Variants in SNAP23 observed in about 807,000 individuals in gnomAD.
The protein encoded by SNAP23 is synaptosomal-associated protein 23.
A neutral mutation model predicts 29.0 loss-of-function variants in SNAP23; 11 were observed. The ratio of observed to expected loss-of-function variants is 0.38; its 90% confidence interval spans 0.24 to 0.63. The LOEUF is 0.63. Ranked by LOEUF, SNAP23 falls within the 20% of genes least tolerant of loss-of-function variation. SNAP23 has a pLI of 0.58. For missense variants in SNAP23, 220 were observed against 253.9 expected (o/e 0.87, Z 0.91); for synonymous variants, 60 against 82.9 (o/e 0.72, Z 1.50).
chr15:42,524,015 A>G (rs547459997), intron 5 of SNAP23, among the ~76,000 whole-genome samples: 10 of 151,806 alleles, frequency 6.6e-5, no homozygotes, highest in African/African-American at 1.9e-4. Context: ...ACGGGGTTTC[A>G]CCATCTTGGC....
At chr15:42,517,972 C>G (rs2057411040) in intron 5 of SNAP23, among the ~76,000 whole-genome samples, 1 of 151,872 alleles carries the variant, frequency 6.6e-6, no homozygotes, top group South Asian at 2.1e-4. Context: ...TTCAGCCTCC[C>G]AAAGCACTGG....
chr15:42,499,780 A>G (rs1320651331), intron 1 of SNAP23, among the ~76,000 whole-genome samples: 1 of 152,216 alleles, frequency 6.6e-6, no homozygotes, highest in Non-Finnish European at 1.5e-5. Flanking sequence ...GGGCTTGAAA[A>G]TTCTGTGATC....
chr15:42,522,820 CA>C (rs1171290571), intron 5 of SNAP23, among the ~76,000 whole-genome samples: 2 of 137,918 alleles, frequency 1.5e-5, no homozygotes, highest in African/African-American at 5.3e-5. Context: ...AGGGATATTT[CA>C]GATTCTTACT....
intron 1 of SNAP23, among the ~76,000 whole-genome samples, chr15:42,497,272 G>A (rs938028704): frequency 6.7e-6 from 1 of 148,678 alleles, no homozygotes; most frequent in African/African-American, 2.5e-5. Flanking sequence ...GCAGTGGCGC[G>A]ATCTTGGCTC....
upstream of SNAP23, among the ~76,000 whole-genome samples, chr15:42,493,208 G>A (rs2057188986): frequency 6.6e-6 from 1 of 152,006 alleles, no homozygotes; most frequent in Non-Finnish European, 1.5e-5. Flanking sequence ...CGGCAGTGGT[G>A]GTGCACACCT....
At position 42,511,856 on chromosome 15, in the gene SNAP23, C is replaced by A; in HGVS notation, c.10C>A (p.Leu4Met). Residue 4 changes from leucine to methionine, a missense_variant, in exon 2 of 8, where the codon CTG becomes ATG. Leu to Met is a conservative substitution (Grantham distance 15). Coordinates refer to ENST00000249647, the MANE Select transcript of SNAP23 (RefSeq NM_003825.4). MDN[L>M]SSEEIQQRAH... ...AGAGTTTTGATTCATCATGGATAATCTGTCATCAGAAGAAATTCAACAGAG... is the reference window on the plus strand; with the variant it reads ...AGAGTTTTGATTCATCATGGATAATATGTCATCAGAAGAAATTCAACAGAG... 2 of 1,593,414 alleles carry A rather than the reference C, an allele frequency of 1.3e-6. No individual in the cohort carries two copies. Among genetic ancestry groups the A allele is most frequent in the Non-Finnish European group, 1.7e-6 (2 of 1,168,250 alleles).
intron 5 of SNAP23, among the ~76,000 whole-genome samples, chr15:42,525,550 G>C (rs1216347133): frequency 1.6e-5 from 2 of 121,842 alleles, no homozygotes; most frequent in Non-Finnish European, 3.2e-5. Context: ...TGCAACCTCT[G>C]CCTCCCAGGT....
chr15:42,528,487 A>C, intron 6 of SNAP23, 67 bp downstream of exon 6: 1 of 1,463,660 alleles, frequency 6.8e-7, no homozygotes, highest in Non-Finnish European at 9.6e-7. Flanking sequence ...AGATGAGTTT[A>C]GCAGTACATG....
Position 42,505,845 on chromosome 15 carries a change from C to T in SNAP23, c.-14-5988C>T, listed in dbSNP as rs186065369. Among the ~76,000 whole-genome samples, 149 of 149,822 alleles carry T rather than the reference C, an allele frequency of 9.9e-4. 1 individual carries two copies. Among genetic ancestry groups the T allele is most frequent in the African/African-American group, 3.5e-3 (143 of 40,866 alleles). ...TGCTGGGATTACAGGCGTGAGCCACCGCACCTGGCCTCTTGCTTGCTTGTT... is the reference window on the plus strand; with the variant it reads ...TGCTGGGATTACAGGCGTGAGCCACTGCACCTGGCCTCTTGCTTGCTTGTT... On this transcript the variant is annotated intron_variant, in intron 1 of 7. Transcript: ENST00000249647.
At chr15:42,520,791 G>T (rs2057442921) in intron 5 of SNAP23, among the ~76,000 whole-genome samples, 1 of 152,218 alleles carries the variant, frequency 6.6e-6, no homozygotes, top group Non-Finnish European at 1.5e-5. Context: ...ACCACACCCG[G>T]CCTTAAACAT....
Position 42,515,309 on chromosome 15 carries a change from C to T in SNAP23, c.221C>T (p.Thr74Ile), listed in dbSNP as rs765973537. Residue 74 changes from threonine (T) to isoleucine (I), a missense_variant, in exon 5 of 8, where the codon ACA becomes ATA. Coordinates refer to ENST00000249647, the MANE Select transcript of SNAP23 (RefSeq NM_003825.4). ...KDMRETEKTL[T>I]ELNKCCGLCV... is the part of the protein sequence containing the mutation. ...ATGAGAGAGACAGAGAAGACTTTAA[C>T]AGAACTCAACAAATGCTGTGGCCTT... 6 of 1,612,430 alleles carry T rather than the reference C, an allele frequency of 3.7e-6. No individual in the cohort carries two copies. The Admixed American group carries it at 1.0e-4, about 27-fold the overall frequency.
At chr15:42,513,241 T>C (rs763726827) in intron 3 of SNAP23, 158 bp from the exon 4 acceptor site, 1 of 768,806 alleles carries the variant, frequency 1.3e-6, no homozygotes, top group South Asian at 1.4e-5. Context: ...GGGGCTGCTA[T>C]GTTAAAGTGT....
chr15:42,496,665 C>T (rs1171422966), intron 1 of SNAP23, among the ~76,000 whole-genome samples: 1 of 151,788 alleles, frequency 6.6e-6, no homozygotes, highest in Non-Finnish European at 1.5e-5. Context: ...TGCAGTGAAC[C>T]GAGATCGTGC....
chr15:42,493,010 T>C (rs2057187133), upstream of SNAP23: 1 of 152,222 alleles, frequency 6.6e-6, no homozygotes, highest in Non-Finnish European at 1.5e-5. Context: ...TTTTGGAACA[T>C]ATACTTTTTT....
intron 1 of SNAP23, among the ~76,000 whole-genome samples, chr15:42,498,584 A>G (rs1372371404): frequency 6.6e-6 from 1 of 152,210 alleles, no homozygotes; most frequent in Non-Finnish European, 1.5e-5. Flanking sequence ...AGGGGCTGCC[A>G]TGAAGATCTC....
At position 42,513,007 on chromosome 15, in the gene SNAP23, G is replaced by A; in HGVS notation, c.99+11G>A. On this transcript the variant is annotated intron_variant, in intron 3 of 7. Transcript: ENST00000249647. ...GGTTTAGCCATTGAGGTAAGAAAAT[G>A]TTAGTCATCAACTTAAGTATAGAAA... 1 of 1,596,276 alleles carries A rather than the reference G, an allele frequency of 6.3e-7. No homozygotes were observed. Among genetic ancestry groups the A allele is most frequent in the Non-Finnish European group, 8.6e-7 (1 of 1,163,782 alleles).
At chr15:42,520,298 C>G (rs1434709874) in intron 5 of SNAP23, among the ~76,000 whole-genome samples, 1 of 151,474 alleles carries the variant, frequency 6.6e-6, no homozygotes, top group Non-Finnish European at 1.5e-5. Context: ...ATCCATCCAC[C>G]TCGGCCTCCC....
At chr15:42,494,453 A>C (rs2057198633), upstream of SNAP23, among the ~76,000 whole-genome samples, 2 of 142,090 alleles carry the variant, frequency 1.4e-5, no homozygotes, top group African/African-American at 5.3e-5. Context: ...AGACATTATG[A>C]TAGTAATGTA....
intron 5 of SNAP23, among the ~76,000 whole-genome samples, chr15:42,519,162 C>G (rs1327405254): frequency 6.7e-6 from 1 of 150,246 alleles, no homozygotes; most frequent in African/African-American, 2.5e-5. Flanking sequence ...TCAACCGATT[C>G]TCCTGCCTCA....
Sources: allele counts gnomAD v4.1 joint callset (sites outside exome capture counted in the v4.1 genomes callset), GRCh38; gene constraint gnomAD v4.1.1; transcripts MANE v1.5; gene names NCBI Gene and HGNC (gene_info 2026-07-23, HGNC 2026-07-21).